Variants in GTF2A1L observed in about 807,000 individuals in gnomAD.
The protein encoded by GTF2A1L is TFIIA-alpha and beta-like factor.
Under a neutral mutation model 49.7 loss-of-function variants are expected in GTF2A1L, and 48 were observed. That is an observed-to-expected ratio of 0.97 (90% CI 0.77 to 1.23). GTF2A1L has a LOEUF of 1.23. Among genes scored for constraint, GTF2A1L ranks in the 50% most tolerant of loss-of-function variants. GTF2A1L has a pLI of 0.00. For missense variants in GTF2A1L, 736 were observed against 564.8 expected (o/e 1.30, Z -3.07); for synonymous variants, 246 against 193.5 (o/e 1.27, Z -2.25).
intron 6 of GTF2A1L, among the ~76,000 whole-genome samples, chr2:48,660,875 A>C (rs367648157): frequency 4.6e-5 from 7 of 152,264 alleles, no homozygotes; most frequent in African/African-American, 1.7e-4. Context: ...TCCTGGCCTC[A>C]AGTGATCCAC....
intron 3 of GTF2A1L, among the ~76,000 whole-genome samples, chr2:48,625,827 C>G (rs1409794634): frequency 7.0e-6 from 1 of 143,716 alleles, no homozygotes; most frequent in Non-Finnish European, 1.6e-5. Context: ...AAGCAATCCT[C>G]CTGCCTCGGC....
intron 6 of GTF2A1L, among the ~76,000 whole-genome samples, chr2:48,647,818 C>T (rs1451678984): frequency 2.0e-5 from 3 of 152,030 alleles, no homozygotes; most frequent in African/African-American, 4.8e-5. Flanking sequence ...CAGAAAGACT[C>T]ATGGAGAATT....
Position 48,669,834 on chromosome 2 carries a change from C to T in GTF2A1L, c.1091C>T (p.Thr364Ile). The T allele has an allele frequency of 6.2e-7, 1 of 1,613,872 alleles. No individual in the cohort carries two copies. Among genetic ancestry groups the T allele is most frequent in the Non-Finnish European group, 8.5e-7 (1 of 1,179,954 alleles). ...DTSSNEEIGS[T>I]RDADENEFLG... ...TCTTCCAATGAAGAAATAGGAAGTA[C>T]AAGAGATGCAGATGAGAATGAATTT... The change falls in exon 7 of 9, where the codon ACA (threonine) becomes ATA (isoleucine). Residue 364 changes from threonine to isoleucine, a missense_variant. Thr to Ile is a moderately conservative substitution (Grantham distance 89, BLOSUM62 -1). Transcript: ENST00000403751.
intron 3 of GTF2A1L, among the ~76,000 whole-genome samples, chr2:48,626,469 A>G (rs34764604): frequency 0.15 from 22,047 of 144,180 alleles, 4,200 homozygotes; most frequent in African/African-American, 0.24. Context: ...TTTGGGTAGT[A>G]TGGACATTTT....
chr2:48,644,826 ACTGTAGAATAGGATTCCT>A (rs1558730976), intron 4 of GTF2A1L, among the ~76,000 whole-genome samples, 189 bp from the exon 5 acceptor site: 1 of 152,204 alleles, frequency 6.6e-6, no homozygotes, highest in Non-Finnish European at 1.5e-5. Context: ...ATTGCTAATA[ACTGTAGAATAGGATTCCT>A]CTTGATCCTT....
At chr2:48,623,453 G>A (rs1241938982) in intron 3 of GTF2A1L, among the ~76,000 whole-genome samples, 1 of 152,164 alleles carries the variant, frequency 6.6e-6, no homozygotes, top group African/African-American at 2.4e-5. Context: ...CAGAAAAAAG[G>A]GACCACTTAT....
chr2:48,641,126 A>G (rs895842998), intron 3 of GTF2A1L, among the ~76,000 whole-genome samples: 2 of 152,152 alleles, frequency 1.3e-5, no homozygotes, highest in Non-Finnish European at 2.9e-5. Context: ...TGCTTTAGAC[A>G]ATGTGTTAAC....
intron 3 of GTF2A1L, among the ~76,000 whole-genome samples, chr2:48,631,641 G>T (rs549725459): frequency 1.3e-5 from 2 of 152,014 alleles, no homozygotes; most frequent in East Asian, 1.9e-4. Context: ...TCTTTGTATG[G>T]ATTTTTGGGT....
At chr2:48,650,109 G>C (rs933705471) in intron 6 of GTF2A1L, among the ~76,000 whole-genome samples, 1 of 152,078 alleles carries the variant, frequency 6.6e-6, no homozygotes, top group Non-Finnish European at 1.5e-5. Context: ...AAGTATGTCT[G>C]TCATAATGTA....
chr2:48,651,088 A>G (rs1182043105), intron 6 of GTF2A1L, among the ~76,000 whole-genome samples: 1 of 152,196 alleles, frequency 6.6e-6, no homozygotes, highest in Non-Finnish European at 1.5e-5. Context: ...ACAAAGCTTT[A>G]TCATGAAGCA....
At chr2:48,648,236 T>G (rs1413580810) in intron 6 of GTF2A1L, among the ~76,000 whole-genome samples, 1 of 152,158 alleles carries the variant, frequency 6.6e-6, no homozygotes, top group African/African-American at 2.4e-5. Flanking sequence ...TTTTTACGTT[T>G]TTTAACATAA....
At chr2:48,658,818 G>A (rs998555482) in intron 6 of GTF2A1L, among the ~76,000 whole-genome samples, 1 of 149,822 alleles carries the variant, frequency 6.7e-6, no homozygotes, top group Non-Finnish European at 1.5e-5. Context: ...TTGTATTTTT[G>A]TGGGATTGGT....
chr2:48,652,854 C>A (rs550190788), intron 6 of GTF2A1L, among the ~76,000 whole-genome samples: 2 of 151,340 alleles, frequency 1.3e-5, no homozygotes, highest in African/African-American at 4.8e-5. Flanking sequence ...GCCACCACGC[C>A]CAGCTAGTTT....
chr2:48,656,428 G>A (rs1038338727), intron 6 of GTF2A1L, among the ~76,000 whole-genome samples: 2 of 131,518 alleles, frequency 1.5e-5, no homozygotes, highest in African/African-American at 2.9e-5. Context: ...GTTTTGATAT[G>A]TATTTCCCTA....
At chr2:48,653,178 G>A (rs1343167856) in intron 6 of GTF2A1L, among the ~76,000 whole-genome samples, 12 of 138,486 alleles carry the variant, frequency 8.7e-5, no homozygotes, top group Admixed American at 1.6e-4. Flanking sequence ...CCGAGATTGC[G>A]CCACTGCACT....
At chr2:48,660,618 TC>T (rs1449503502) in intron 6 of GTF2A1L, among the ~76,000 whole-genome samples, 1 of 151,904 alleles carries the variant, frequency 6.6e-6, no homozygotes, top group Non-Finnish European at 1.5e-5. Context: ...ATTAATGATG[TC>T]CCCTCTTTTA....
intron 8 of GTF2A1L, among the ~76,000 whole-genome samples, chr2:48,675,487 AAAGGGCTAAATG>A (rs2104323030): frequency 6.6e-6 from 1 of 152,216 alleles, no homozygotes; most frequent in East Asian, 1.9e-4. Context: ...GTACAGTGCA[AAAGGGCTAAATG>A]AAGGCCACTG....
intron 3 of GTF2A1L, chr2:48,632,884 G>T: frequency 4.1e-6 from 1 of 241,498 alleles, no homozygotes; most frequent in South Asian, 5.6e-5. Context: ...CATCTTTAAA[G>T]AAAATCATAT....
At position 48,626,218 on chromosome 2, in the gene GTF2A1L, C is replaced by A. The variant is rs60298495; in HGVS notation, c.247+4928C>A. Among the ~76,000 whole-genome samples, 75 of 143,902 alleles carry A rather than the reference C, an allele frequency of 5.2e-4. 5 individuals are homozygous for A. The East Asian group carries it at 0.014, about 26-fold the overall frequency. 94.4% of individuals were successfully genotyped at this position (143,902 alleles called of 152,430 possible). A position where few individuals can be genotyped will look rare whatever the true frequency, so the allele number is the denominator to read the frequency against. ...TTATTTCTGGGCTCTCTATACTGTT[C>A]TGCTGGTCTTTGTGTCTGTTTTTGT... On this transcript the variant is annotated intron_variant, in intron 3 of 8. Coordinates refer to ENST00000403751, the MANE Select transcript of GTF2A1L (RefSeq NM_006872.5).
Sources: allele counts gnomAD v4.1 joint callset (sites outside exome capture counted in the v4.1 genomes callset), GRCh38; gene constraint gnomAD v4.1.1; transcripts MANE v1.5; gene names NCBI Gene and HGNC (gene_info 2026-07-23, HGNC 2026-07-21).